Variants in PTPRN2 observed in about 807,000 individuals in gnomAD.
The protein encoded by PTPRN2 is receptor-type tyrosine-protein phosphatase N2.
PTPRN2 carries 74 observed loss-of-function variants against 118.8 expected under a neutral mutation model. The ratio of observed to expected loss-of-function variants is 0.62; its 90% CI spans 0.52 to 0.76. The LOEUF is 0.76. PTPRN2 is among the 30% of genes least tolerant of loss of function. The pLI, the probability that PTPRN2 is intolerant of heterozygous loss-of-function variation, is 0.00. For synonymous variants in PTPRN2, 641 were observed against 608.0 expected (o/e 1.05, Z -0.80); for missense variants, 1,481 against 1,394.4 (o/e 1.06, Z -0.99).
intron 2 of PTPRN2, among the ~76,000 whole-genome samples, chr7:158,442,463 T>C (rs1032402137): frequency 6.6e-6 from 1 of 152,116 alleles, no homozygotes. Context: ...CACTAGATAA[T>C]GGCACCTGCA....
intron 2 of PTPRN2, among the ~76,000 whole-genome samples, chr7:158,451,480 C>T (rs1818091588): frequency 6.6e-6 from 1 of 152,196 alleles, no homozygotes. Context: ...TATAGTCTTG[C>T]CTTTCACACC....
intron 11 of PTPRN2, among the ~76,000 whole-genome samples, chr7:158,016,222 G>A (rs986190505): frequency 2.0e-5 from 3 of 152,198 alleles, no homozygotes; most frequent in Admixed American, 2.0e-4. Flanking sequence ...GGCAGGGCTC[G>A]GGAGGTCCGG....
At chr7:158,409,710 G>C (rs898425311) in intron 2 of PTPRN2, among the ~76,000 whole-genome samples, 1 of 152,076 alleles carries the variant, frequency 6.6e-6, no homozygotes, top group African/African-American at 2.4e-5. Flanking sequence ...TGCCAGGGAA[G>C]GGGCCAGGTA....
rs1182010847 is a variant in PTPRN2, at chr7:157,945,715, T to C, written c.1724-46978A>G. ...TGGACGATGTCACCTCCAACTTGGA[T>C]GATGCCACCTCCAGCTTGGACAATG... On this transcript the variant is annotated intron_variant, in intron 11 of 22. Coordinates refer to ENST00000389418, the MANE Select transcript of PTPRN2 (RefSeq NM_002847.5). Among the ~76,000 whole-genome samples, 13 of 120,300 alleles carry C rather than the reference T, an allele frequency of 1.1e-4. No homozygotes were observed. In the South Asian group the frequency reaches 1.6e-3, roughly 15 times the overall value. 78.9% of individuals were successfully genotyped at this position (120,300 alleles called of 152,430 possible).
At chr7:158,043,665 C>T (rs1380248890) in intron 11 of PTPRN2, among the ~76,000 whole-genome samples, 1 of 152,236 alleles carries the variant, frequency 6.6e-6, no homozygotes, top group Non-Finnish European at 1.5e-5. Flanking sequence ...TTTCTGAGCA[C>T]AAGGCAGGTT....
chr7:158,077,940 T>G (rs1812503257), intron 11 of PTPRN2, among the ~76,000 whole-genome samples: 1 of 152,184 alleles, frequency 6.6e-6, no homozygotes, highest in Non-Finnish European at 1.5e-5. Context: ...CTACCAGTCA[T>G]TTCTATGTAC....
At chr7:157,626,623 G>A (rs1803587999) in intron 14 of PTPRN2, among the ~76,000 whole-genome samples, 1 of 152,078 alleles carries the variant, frequency 6.6e-6, no homozygotes, top group South Asian at 2.1e-4. Flanking sequence ...TGCTTTAACT[G>A]TGGGTTTCAA....
chr7:158,363,633 A>C (rs1809187284), intron 2 of PTPRN2, among the ~76,000 whole-genome samples: 1 of 152,200 alleles, frequency 6.6e-6, no homozygotes, highest in African/African-American at 2.4e-5. Context: ...ATGCTGATAC[A>C]GTGAGACAGG....
chr7:158,343,251 G>A (rs571026291), intron 2 of PTPRN2, among the ~76,000 whole-genome samples: 23 of 152,162 alleles, frequency 1.5e-4, no homozygotes, highest in Admixed American at 6.5e-4. Context: ...GACCTGAGTA[G>A]ACTTTTCTCC....
chr7:158,395,778 C>G (rs62478404), intron 2 of PTPRN2, among the ~76,000 whole-genome samples: 6,252 of 16,114 alleles, frequency 0.39, 1,358 homozygotes, highest in East Asian at 0.67. Flanking sequence ...AGGGGTGAGG[C>G]GCGAGGGGCG....
At chr7:158,432,393 G>T (rs939127475) in intron 2 of PTPRN2, among the ~76,000 whole-genome samples, 1 of 152,194 alleles carries the variant, frequency 6.6e-6, no homozygotes, top group Non-Finnish European at 1.5e-5. Context: ...TCAGATAGCG[G>T]ATTTCAAACG....
Position 158,050,744 on chromosome 7 carries a change from C to T in PTPRN2, c.1723+30554G>A, listed in dbSNP as rs1044442053. Among the ~76,000 whole-genome samples, 9 of 152,290 alleles carry T rather than the reference C, an allele frequency of 5.9e-5. No individual in the cohort carries two copies. In the South Asian group the frequency reaches 1.0e-3, roughly 18 times the overall value. On this transcript the variant is annotated intron_variant, in intron 11 of 22. Coordinates refer to ENST00000389418, the MANE Select transcript of PTPRN2 (RefSeq NM_002847.5). ...CCACACCATTCTGTCCCCCACACGA[C>T]TCTTCCATGCCAGTCTCCATCTCCT... is the stretch of plus-strand genomic sequence containing the variant.
rs1804727680 is a variant in PTPRN2 at position 157,794,310 on chromosome 7, T to TGCTCACACCTCCCCTCGTTCTCTGCTCC, written c.1788+104362_1788+104363insGGAGCAGAGAACGAGGGGAGGTGTGAGC. On this transcript the variant is annotated intron_variant, in intron 12 of 22. Coordinates refer to ENST00000389418, the MANE Select transcript of PTPRN2 (RefSeq NM_002847.5). The surrounding 1 kb of genome is among the most constrained non-coding windows in gnomAD (Gnocchi z 5.2). Reference sequence around the variant, plus strand: ...TCACACCTCCCCTCGTTCTCTGCTCTGACCCGGGCTCACACCTCCCTGCTC... The same window carrying TGCTCACACCTCCCCTCGTTCTCTGCTCC: ...TCACACCTCCCCTCGTTCTCTGCTCTGCTCACACCTCCCCTCGTTCTCTGCTCCGACCCGGGCTCACACCTCCCTGCTC... Among the ~76,000 whole-genome samples, 5 of 149,460 alleles carry TGCTCACACCTCCCCTCGTTCTCTGCTCC rather than the reference T, an allele frequency of 3.3e-5. No individual in the cohort carries two copies. The South Asian group carries it at 1.2e-3, about 35-fold the overall frequency.
intron 6 of PTPRN2, among the ~76,000 whole-genome samples, chr7:158,147,918 C>A (rs111407974): frequency 3.7e-5 from 5 of 134,138 alleles, no homozygotes; most frequent in Admixed American, 7.1e-5. Flanking sequence ...CACCCCATCT[C>A]ACGCCACGTG....
chr7:158,415,497 G>C (rs1814583243), intron 2 of PTPRN2, among the ~76,000 whole-genome samples: 1 of 152,154 alleles, frequency 6.6e-6, no homozygotes, highest in African/African-American at 2.4e-5. Flanking sequence ...ACCAGATTCA[G>C]ATGTCACTGC....
In PTPRN2 at chr7:158,570,022, A is replaced by G. The variant is rs1172975758; in HGVS notation, c.112+17536T>C. Among the ~76,000 whole-genome samples the G allele has an allele frequency of 6.6e-6, 1 of 152,134 alleles. No homozygotes were observed. Among genetic ancestry groups the G allele is most frequent in the African/African-American group, 2.4e-5 (1 of 41,458 alleles). ...CCAGAGCCCACGCGCCAAGGCCGCC[A>G]GGCCTTTCCTCCCTCGCGTTCCCTC... On this transcript the variant is annotated intron_variant, in intron 1 of 22. Transcript: ENST00000389418. This position sits in a 1 kb window ranked among gnomAD's most constrained non-coding sequence, Gnocchi z 4.5.
rs1383568502 is a variant in PTPRN2, at chr7:158,133,884, T to G, written c.1349A>C (p.Gln450Pro). The change falls in exon 9 of 23, where the codon CAG (glutamine) becomes CCG (proline). Residue 450 changes from glutamine (Q) to proline (P), a missense_variant. Physicochemically the swap from Gln to Pro is moderately conservative, Grantham distance 76. Around this residue, in one of 3 missense-constraint regions of PTPRN2, gnomAD observed 1,115 missense variants for 994.2 expected, o/e 1.12. Transcript: ENST00000389418. The stretch of plus-strand genomic sequence containing the variant: ...CCCCAGCAGATCTTTGGAATACGTC[T>G]GGCTCTTGACGTTCTCCACTCCGGC... ...ETAGVENVKSQTYSKDLLGQQ... is the reference protein window; with the variant it reads ...ETAGVENVKSPTYSKDLLGQQ... The G allele has an allele frequency of 1.2e-6, 2 of 1,613,806 alleles. No homozygotes were observed. Among genetic ancestry groups the G allele is most frequent in the African/African-American group, 2.7e-5 (2 of 74,946 alleles).
chr7:158,405,049 C>T lies in PTPRN2; in HGVS notation c.163+84686G>A, dbSNP rs541781703. Among the ~76,000 whole-genome samples, 41 of 148,988 alleles carry T rather than the reference C, an allele frequency of 2.8e-4. 1 individual carries two copies. The highest frequency in any genetic ancestry group is 9.2e-4 in the African/African-American group (37 of 40,364). The stretch of plus-strand genomic sequence containing the variant: ...CCCAGCTCCCCGGCCCCCAGCTCCC[C>T]GGCCCCCAGCTCCCTGGCCTCCAGC... On this transcript the variant is annotated intron_variant, in intron 2 of 22. Coordinates refer to ENST00000389418, the MANE Select transcript of PTPRN2 (RefSeq NM_002847.5).
At chr7:157,984,590 G>C (rs910123912) in intron 11 of PTPRN2, among the ~76,000 whole-genome samples, 1 of 152,062 alleles carries the variant, frequency 6.6e-6, no homozygotes, top group Admixed American at 6.5e-5. Context: ...GTTGCTGGGT[G>C]CTGGGGGCTG....
Sources: gnomAD v4.1 joint callset for allele counts (sites outside exome capture counted in the v4.1 genomes callset) on GRCh38, gnomAD v4.1.1 for gene constraint, gnomAD v4.1.1 regional missense constraint, Gnocchi (gnomAD v3.1) non-coding constraint, MANE v1.5 for transcripts, NCBI Gene and HGNC (gene_info 2026-07-23, HGNC 2026-07-21) for gene names.